Variants in PRELID2 observed in about 807,000 individuals in gnomAD.
The protein encoded by PRELID2 is PRELI domain containing 2.
A neutral mutation model predicts 28.4 loss-of-function variants in PRELID2; 25 were observed. The ratio of observed to expected loss-of-function variants is 0.88; its 90% CI spans 0.64 to 1.23. The LOEUF is 1.23. Among genes scored for constraint, PRELID2 ranks in the 50% most tolerant of loss-of-function variants. The pLI is 0.00. For synonymous variants in PRELID2, 76 were observed against 71.6 expected (o/e 1.06, Z -0.31); for missense variants, 201 against 214.4 (o/e 0.94, Z 0.39).
At chr5:145,736,548 C>G (rs1240232023) in intron 1 of PRELID2, among the ~76,000 whole-genome samples, 1 of 152,130 alleles carries the variant, frequency 6.6e-6, no homozygotes, top group African/African-American at 2.4e-5. Flanking sequence ...TTGTTTGACT[C>G]TATGATCTAT....
intron 5 of PRELID2, among the ~76,000 whole-genome samples, chr5:145,765,399 G>C (rs969599476): frequency 6.6e-6 from 1 of 152,060 alleles, no homozygotes; most frequent in Non-Finnish European, 1.5e-5. Context: ...TGGGGGTAGC[G>C]AGTGCTATGG....
At chr5:145,467,555 T>G (rs1436528707), downstream of PRELID2, among the ~76,000 whole-genome samples, 1 of 152,170 alleles carries the variant, frequency 6.6e-6, no homozygotes, top group East Asian at 1.9e-4. Flanking sequence ...ATTTAGTATC[T>G]ACCACGTATC....
At chr5:145,336,722 A>G in the PRELID2 span, among the ~76,000 whole-genome samples, 3 of 152,076 alleles carry the variant, frequency 2.0e-5, no homozygotes, top group Admixed American at 2.0e-4. Flanking sequence ...CAAATGTCCA[A>G]CAATGATAGA....
chr5:145,695,798 C>T (rs1755248149), intron 1 of PRELID2, among the ~76,000 whole-genome samples: 2 of 152,140 alleles, frequency 1.3e-5, no homozygotes, highest in Admixed American at 1.3e-4. Flanking sequence ...AAGGAGGAAG[C>T]TGCAATGTGT....
chr5:145,487,830 G>T (rs181893652), intron 1 of PRELID2, among the ~76,000 whole-genome samples: 25 of 151,248 alleles, frequency 1.7e-4, no homozygotes, highest in African/African-American at 4.4e-4. Flanking sequence ...TAAAAATCAA[G>T]AAATGGAATT....
At chr5:145,743,691 G>A (rs4587126) in intron 1 of PRELID2, among the ~76,000 whole-genome samples, 114,813 of 152,010 alleles carry the variant, frequency 0.76, 45,330 homozygotes, top group East Asian at 0.88. Context: ...CCGTGGGTCG[G>A]AAGATCCCAC....
chr5:145,506,894 C>T lies in PRELID2; in HGVS notation n.71-33579G>A, dbSNP rs540003599. Among the ~76,000 whole-genome samples, 37 of 152,272 alleles carry T rather than the reference C, an allele frequency of 2.4e-4. 1 individual carries two copies. The South Asian group carries it at 7.5e-3, about 31-fold the overall frequency. ...CTATGACCACCTGTGCTCAGGTCAC[C>T]CTCAATGGCTCTCTAATTCATTATC... On this transcript the variant is annotated intron_variant and non_coding_transcript_variant, in intron 1 of 2. Coordinates refer to the PRELID2 transcript ENST00000510259.
At chr5:145,369,662 G>C in the PRELID2 span, among the ~76,000 whole-genome samples, 2 of 152,006 alleles carry the variant, frequency 1.3e-5, no homozygotes, top group Non-Finnish European at 2.9e-5. Context: ...GGGTCAAATG[G>C]TATTTCTGAT....
chr5:145,419,916 A>G, the PRELID2 span, among the ~76,000 whole-genome samples: 1 of 151,926 alleles, frequency 6.6e-6, no homozygotes, highest in Non-Finnish European at 1.5e-5. Flanking sequence ...TATAAGGTGT[A>G]AGGAAGGGAT....
At position 145,766,199 on chromosome 5, in the gene PRELID2, G is replaced by A. The variant is rs113418185; in HGVS notation, c.475-1199C>T. On this transcript the variant is annotated intron_variant, in intron 5 of 6. Transcript: ENST00000683046. ...AGTTGGATCCATGGGAAAGGGAGCT[G>A]CTATTTTCAGAGATCTGAGCCTGAG... Among the ~76,000 whole-genome samples, 1,116 of 152,280 alleles carry A rather than the reference G, an allele frequency of 7.3e-3. 13 individuals are homozygous for A. Among genetic ancestry groups the A allele is most frequent in the African/African-American group, 0.026 (1,074 of 41,540 alleles).
intron 1 of PRELID2, among the ~76,000 whole-genome samples, chr5:145,610,325 G>A (rs775636583): frequency 2.6e-5 from 4 of 152,110 alleles, no homozygotes; most frequent in Non-Finnish European, 4.4e-5. Flanking sequence ...TGGATAATCC[G>A]CCTGCAGGGT....
chr5:145,289,056 C>G, the PRELID2 span, among the ~76,000 whole-genome samples: 1 of 151,982 alleles, frequency 6.6e-6, no homozygotes, highest in East Asian at 1.9e-4. Context: ...TACTTCCTTC[C>G]ATAAAGTTTC....
At chr5:145,781,921 C>T (rs1402191748) in intron 5 of PRELID2, among the ~76,000 whole-genome samples, 1 of 151,862 alleles carries the variant, frequency 6.6e-6, no homozygotes, top group African/African-American at 2.4e-5. Context: ...CCACAAATTC[C>T]TATTTTCTCA....
At chr5:145,555,775 C>A (rs1268533543) in intron 1 of PRELID2, among the ~76,000 whole-genome samples, 1 of 152,112 alleles carries the variant, frequency 6.6e-6, no homozygotes, top group African/African-American at 2.4e-5. Flanking sequence ...GGAGGAAACT[C>A]ACAGAGAGAA....
At chr5:145,486,540 A>G (rs1752219197) in intron 1 of PRELID2, among the ~76,000 whole-genome samples, 1 of 152,212 alleles carries the variant, frequency 6.6e-6, no homozygotes, top group South Asian at 2.1e-4. Context: ...ATGTAAGAAC[A>G]CCAGTTGTAT....
intron 1 of PRELID2, among the ~76,000 whole-genome samples, chr5:145,678,384 T>C (rs1754863517): frequency 6.6e-6 from 1 of 152,224 alleles, no homozygotes; most frequent in African/African-American, 2.4e-5. Flanking sequence ...ACTTCTCTTC[T>C]AGTTTATTTA....
rs372887394 is a variant in PRELID2, at chr5:145,568,218, A to G, written n.71-94903T>C. Among the ~76,000 whole-genome samples, 22 of 152,342 alleles carry G rather than the reference A, an allele frequency of 1.4e-4. 1 individual carries two copies. The South Asian group carries it at 4.6e-3, about 32-fold the overall frequency. On this transcript the variant is annotated intron_variant and non_coding_transcript_variant, in intron 1 of 2. Transcript: ENST00000510259. ...GGAAAGCATGAAAGAGGGAGTGAGG[A>G]AGAGGCCAAGTGCACTCTAATAGAG... is the stretch of plus-strand genomic sequence containing the variant.
chr5:145,466,122 A>T, the PRELID2 span, among the ~76,000 whole-genome samples: 2 of 152,106 alleles, frequency 1.3e-5, no homozygotes, highest in Non-Finnish European at 2.9e-5. Context: ...AGAAAAAAAA[A>T]GTCCTTGGAA....
intron 1 of PRELID2, among the ~76,000 whole-genome samples, chr5:145,646,999 G>A (rs937304753): frequency 6.6e-6 from 1 of 152,160 alleles, no homozygotes; most frequent in Non-Finnish European, 1.5e-5. Flanking sequence ...CAGGAGTCAG[G>A]GACCTACTTG....
Sources: gnomAD v4.1 joint callset for allele counts (sites outside exome capture counted in the v4.1 genomes callset) on GRCh38, gnomAD v4.1.1 for gene constraint, MANE v1.5 for transcripts, NCBI Gene and HGNC (gene_info 2026-07-23, HGNC 2026-07-21) for gene names.